Variants in JMY observed in about 807,000 individuals in gnomAD.
JMY encodes junction mediating and regulatory protein, p53 cofactor, also known as junction-mediating and -regulatory protein.
Under a neutral mutation model 103.3 loss-of-function variants are expected in JMY, and 46 were observed. The ratio of observed to expected loss-of-function variants is 0.45; its 90% CI spans 0.35 to 0.57. JMY has a LOEUF of 0.57. Ranked by LOEUF, JMY falls within the 20% of genes least tolerant of loss-of-function variation. The pLI is 0.00. For missense variants in JMY, 1,238 were observed against 1,255.2 expected (o/e 0.99, Z 0.21); for synonymous variants, 526 against 489.3 (o/e 1.07, Z -0.99).
rs1242704476 is a variant in JMY, at chr5:79,314,836, T to G, written c.2644T>G (p.Leu882Val). 1.9e-6 allele frequency: 3 copies of G among 1,574,588 alleles called. No individual in the cohort carries two copies. The highest frequency in any genetic ancestry group is 2.6e-6 in the Non-Finnish European group (3 of 1,160,750). Residue 882 changes from leucine to valine, a missense_variant, in exon 9 of 11, where the codon TTG becomes GTG. By Grantham distance (32) the Leu-to-Val change is conservative (BLOSUM62 1). Coordinates refer to ENST00000396137, the MANE Select transcript of JMY (RefSeq NM_152405.5). Reference sequence around the variant, plus strand: ...GAAGCTCAGAAAGACTGCTGAAGGTTTGCAGAGGAGGAGAGGTACGTCAAC... The same window carrying G: ...GAAGCTCAGAAAGACTGCTGAAGGTGTGCAGAGGAGGAGAGGTACGTCAAC... ...RKKLRKTAEG[L>V]QRRRVSSPMD...
Position 79,270,516 on chromosome 5 carries a change from T to TTACA in JMY, c.1033-7392_1033-7391insCATA, listed in dbSNP as rs1388727928. Among the ~76,000 whole-genome samples, 719 of 74,278 alleles carry TTACA rather than the reference T, an allele frequency of 9.7e-3. 93 individuals are homozygous for TTACA. The highest frequency in any genetic ancestry group is 0.022 in the South Asian group (59 of 2,650). The allele number at this position is 74,278 out of a possible 152,430, so 48.7% of individuals were successfully genotyped here. A position where few individuals can be genotyped will look rare whatever the true frequency, so the allele number is the denominator to read the frequency against. ...ATAAAATATATATTTACATAAATAT[T>TTACA]TAAAATATATATTTACATAAATATT... is the stretch of plus-strand genomic sequence containing the variant. On this transcript the variant is annotated intron_variant, in intron 1 of 10. Transcript: ENST00000396137.
At chr5:79,309,215 C>T (rs548681257) in intron 7 of JMY, among the ~76,000 whole-genome samples, 1 of 152,160 alleles carries the variant, frequency 6.6e-6, no homozygotes, top group African/African-American at 2.4e-5. Flanking sequence ...ACATCTTTGT[C>T]TTGTTCCTGA....
chr5:79,241,569 G>T (rs548001130), intron 1 of JMY, among the ~76,000 whole-genome samples: 1 of 152,174 alleles, frequency 6.6e-6, no homozygotes, highest in Non-Finnish European at 1.5e-5. Flanking sequence ...TGTAAGAGGG[G>T]CTATGGATGG....
At chr5:79,258,753 G>A (rs867331183) in intron 1 of JMY, among the ~76,000 whole-genome samples, 6 of 152,180 alleles carry the variant, frequency 3.9e-5, no homozygotes, top group African/African-American at 1.2e-4. Flanking sequence ...AGGAACTGCA[G>A]CGCCTTAAAG....
intron 4 of JMY, among the ~76,000 whole-genome samples, chr5:79,299,170 G>A (rs1229375935): frequency 2.0e-5 from 3 of 152,132 alleles, no homozygotes; most frequent in Admixed American, 2.0e-4. Flanking sequence ...TTGGCTCTGA[G>A]GGCACACTGA....
chr5:79,269,666 A>C (rs1040477806), intron 1 of JMY, among the ~76,000 whole-genome samples: 1 of 151,958 alleles, frequency 6.6e-6, no homozygotes. Context: ...ATTTATACCT[A>C]ATTTTTGGTG....
At chr5:79,295,004 G>GCTACTTATTTTTGT (rs1246046425) in intron 4 of JMY, among the ~76,000 whole-genome samples, 3 of 152,110 alleles carry the variant, frequency 2.0e-5, no homozygotes, top group Non-Finnish European at 4.4e-5. Flanking sequence ...TTGAAGATTA[G>GCTACTTATTTTTGT]CTACTTATTT....
chr5:79,288,369 C>T (rs555074902), intron 2 of JMY, among the ~76,000 whole-genome samples: 1 of 152,090 alleles, frequency 6.6e-6, no homozygotes, highest in South Asian at 2.1e-4. Flanking sequence ...TTTATGTACC[C>T]GTCAAAATCC....
At chr5:79,251,262 C>T (rs2112052687) in intron 1 of JMY, among the ~76,000 whole-genome samples, 1 of 152,088 alleles carries the variant, frequency 6.6e-6, no homozygotes, top group South Asian at 2.1e-4. Flanking sequence ...GACAGAATAT[C>T]CCTCCATCAC....
At chr5:79,282,996 A>T (rs567291471) in intron 2 of JMY, among the ~76,000 whole-genome samples, 1 of 149,242 alleles carries the variant, frequency 6.7e-6, no homozygotes, top group South Asian at 2.1e-4. Flanking sequence ...TAATAATAAT[A>T]ATAATTATTA....
chr5:79,236,600 C>G lies in JMY; in HGVS notation c.-51C>G. On this transcript the variant is annotated 5_prime_UTR_variant, in exon 1 of 11. Coordinates refer to ENST00000396137, the MANE Select transcript of JMY (RefSeq NM_152405.5). The stretch of plus-strand genomic sequence containing the variant: ...CGCGGCGCAGCCAGCGGGGAGTCCT[C>G]GGGCGGGCCGGGCCGGCGGCCCTTC... 7.6e-7 allele frequency: 1 copy of G among 1,320,046 alleles called. No homozygotes were observed. The highest frequency in any genetic ancestry group is 1.5e-5 in the African/African-American group (1 of 65,802). 81.8% of individuals were successfully genotyped at this position (1,320,046 alleles called of 1,614,324 possible).
intron 7 of JMY, among the ~76,000 whole-genome samples, chr5:79,307,048 G>A (rs1185087531): frequency 2.6e-5 from 4 of 152,108 alleles, no homozygotes; most frequent in East Asian, 1.9e-4. Flanking sequence ...ACATAGTAAC[G>A]TGCATTTAAG....
rs1456197510 is a variant in JMY, at chr5:79,316,011, A to C, written c.2671A>C (p.Met891Leu). The C allele has an allele frequency of 1.2e-6, 2 of 1,613,562 alleles. No individual in the cohort carries two copies. The highest frequency in any genetic ancestry group is 1.6e-4 in the Middle Eastern group (1 of 6,084). Residue 891 changes from methionine to leucine, a missense_variant, in exon 10 of 11, where the codon ATG becomes CTG. Met to Leu is a conservative substitution (Grantham distance 15). Coordinates refer to ENST00000396137, the MANE Select transcript of JMY (RefSeq NM_152405.5). ...TTCATTTTCCAAAGTGAGCTCACCC[A>C]TGGATGAGGTGCTAGCCTCCTTGAA... is the stretch of plus-strand genomic sequence containing the variant. Reference protein sequence around the residue: ...GLQRRRVSSPMDEVLASLKRG... With the variant: ...GLQRRRVSSPLDEVLASLKRG...
At chr5:79,284,709 A>G in intron 2 of JMY, 1 of 1,591,930 alleles carries the variant, frequency 6.3e-7, no homozygotes, top group East Asian at 2.2e-5. Context: ...AATCAGCAAG[A>G]CTCACTTCAA....
chr5:79,286,272 A>G (rs112275024), intron 2 of JMY, among the ~76,000 whole-genome samples: 1,918 of 152,334 alleles, frequency 0.013, 34 homozygotes, highest in African/African-American at 0.038. Flanking sequence ...AGGTAAAGAC[A>G]TTAATCCACA....
At chr5:79,293,000 A>G (rs188129056) in intron 4 of JMY, among the ~76,000 whole-genome samples, 153 of 152,274 alleles carry the variant, frequency 1.0e-3, no homozygotes, top group African/African-American at 3.0e-3. Context: ...TTAATTTAAC[A>G]TGCCCACATT....
At chr5:79,296,491 T>C (rs1746566899) in intron 4 of JMY, among the ~76,000 whole-genome samples, 1 of 152,300 alleles carries the variant, frequency 6.6e-6, no homozygotes, top group East Asian at 1.9e-4. Context: ...TTTATGACCC[T>C]TTAAAAAAAA....
chr5:79,270,525 ATATT>A (rs1745734915), intron 1 of JMY, among the ~76,000 whole-genome samples: 1 of 90,502 alleles, frequency 1.1e-5, no homozygotes, highest in Non-Finnish European at 2.6e-5. Context: ...TTTAAAATAT[ATATT>A]TACATAAATA....
rs1295622103 is a variant in JMY, at chr5:79,325,147, T to A, written c.*3545T>A. 6.6e-6 allele frequency: 1 copy of A among 152,530 alleles called. No homozygotes were observed. The allele number at this position is 152,530 out of a possible 1,614,324, so 9.4% of individuals were successfully genotyped here. On this transcript the variant is annotated 3_prime_UTR_variant, in exon 11 of 11. Transcript: ENST00000396137. ...TACACATTCCCTAAGACACCATTTT[T>A]AAGTTACAGTCACATGAGTGTTTGT...
Sources: allele counts gnomAD v4.1 joint callset (sites outside exome capture counted in the v4.1 genomes callset), GRCh38; gene constraint gnomAD v4.1.1; transcripts MANE v1.5; gene names NCBI Gene and HGNC (gene_info 2026-07-23, HGNC 2026-07-21).